Variants in HOOK3 observed in about 807,000 individuals in gnomAD.
HOOK3 encodes hook microtubule tethering protein 3, also known as protein Hook homolog 3.
HOOK3 carries 24 observed loss-of-function variants against 116.3 expected under a neutral mutation model. The ratio of observed to expected loss-of-function variants is 0.21; its 90% confidence interval spans 0.15 to 0.29. HOOK3 has a LOEUF of 0.29. Ranked by LOEUF, HOOK3 falls within the 10% of genes least tolerant of loss-of-function variation. The pLI, the probability that HOOK3 is intolerant of heterozygous loss-of-function variation, is 1.00. For missense variants in HOOK3, 632 were observed against 830.2 expected (o/e 0.76, Z 2.93); for synonymous variants, 275 against 283.0 (o/e 0.97, Z 0.28).
rs1160648792 is a variant in HOOK3, at chr8:43,026,910, C to T, written c.*8412C>T. The stretch of plus-strand genomic sequence containing the variant: ...TTTTTTTTCTTTTGAGATGGAGTCT[C>T]ACTCTGAGTCTCACTCTGTTGCCCA... On this transcript the variant is annotated 3_prime_UTR_variant, in exon 22 of 22. Transcript: ENST00000307602. 1 of 187,104 alleles carries T rather than the reference C, an allele frequency of 5.3e-6. No homozygotes were observed. Among genetic ancestry groups the T allele is most frequent in the Admixed American group, 6.2e-5 (1 of 16,142 alleles). 11.6% of individuals were successfully genotyped at this position (187,104 alleles called of 1,614,324 possible). A position where few individuals can be genotyped will look rare whatever the true frequency, so the allele number is the denominator to read the frequency against.
chr8:42,924,527 A>G (rs908693502), intron 2 of HOOK3, among the ~76,000 whole-genome samples: 3 of 152,332 alleles, frequency 2.0e-5, no homozygotes, highest in Non-Finnish European at 4.4e-5. Flanking sequence ...CTAGTACTAC[A>G]TCTGAGAAAA....
chr8:42,970,621 TTAGA>T (rs1382437558), intron 11 of HOOK3, among the ~76,000 whole-genome samples: 1 of 152,120 alleles, frequency 6.6e-6, no homozygotes, highest in East Asian at 1.9e-4. Flanking sequence ...TTAAATGCAG[TTAGA>T]TAGATTCCAT....
chr8:42,963,872 A>G (rs749064919), intron 8 of HOOK3, among the ~76,000 whole-genome samples: 1 of 152,228 alleles, frequency 6.6e-6, no homozygotes, highest in East Asian at 1.9e-4. Context: ...TTCCAAAATG[A>G]TGTAAATGTT....
chr8:42,980,229 A>C (rs1271294929), intron 13 of HOOK3, among the ~76,000 whole-genome samples: 9 of 151,892 alleles, frequency 5.9e-5, no homozygotes, highest in Non-Finnish European at 1.2e-4. Flanking sequence ...CTGGGATTAC[A>C]GGTGTGAGCC....
chr8:42,977,633 A>G (rs1361167082), intron 13 of HOOK3, among the ~76,000 whole-genome samples: 10 of 152,140 alleles, frequency 6.6e-5, no homozygotes. Context: ...TTGGGAGGCC[A>G]AGGCAGGCAG....
chr8:42,909,916 G>A (rs1586586358), intron 2 of HOOK3, among the ~76,000 whole-genome samples: 1 of 152,194 alleles, frequency 6.6e-6, no homozygotes, highest in East Asian at 1.9e-4. Context: ...GAGTAGAATG[G>A]TGTTTACCAG....
At chr8:43,012,325 G>A (rs1293062492) in intron 19 of HOOK3, among the ~76,000 whole-genome samples, 2 of 152,174 alleles carry the variant, frequency 1.3e-5, no homozygotes, top group African/African-American at 4.8e-5. Flanking sequence ...GCACATTACT[G>A]TACTGAATAG....
At chr8:42,928,848 C>A (rs2130362480) in intron 3 of HOOK3, among the ~76,000 whole-genome samples, 1 of 152,262 alleles carries the variant, frequency 6.6e-6, no homozygotes, top group African/African-American at 2.4e-5. Flanking sequence ...TCGAGACCAG[C>A]CTGGCCAACA....
intron 3 of HOOK3, 50 bp from the exon 4 acceptor site, chr8:42,930,072 T>C: frequency 6.6e-7 from 1 of 1,517,624 alleles, no homozygotes; most frequent in Non-Finnish European, 8.9e-7. Context: ...TTAAATTATG[T>C]TTTGATCTGT....
intron 2 of HOOK3, among the ~76,000 whole-genome samples, chr8:42,923,449 GT>G (rs1393131083): frequency 6.6e-6 from 1 of 152,160 alleles, no homozygotes; most frequent in Non-Finnish European, 1.5e-5. Context: ...TAAACAAAAT[GT>G]GATATATCTA....
At chr8:42,993,490 C>T (rs1005220976) in intron 15 of HOOK3, among the ~76,000 whole-genome samples, 2 of 152,010 alleles carry the variant, frequency 1.3e-5, no homozygotes, top group Non-Finnish European at 2.9e-5. Context: ...GTCTTTGTTT[C>T]GTTTTGGTAT....
At chr8:42,934,199 G>C (rs1807922388) in intron 4 of HOOK3, among the ~76,000 whole-genome samples, 1 of 151,278 alleles carries the variant, frequency 6.6e-6, no homozygotes, top group Non-Finnish European at 1.5e-5. Context: ...TTGTGTTTTT[G>C]CTCTACTTAC....
chr8:42,962,359 C>T (rs1808549378), intron 8 of HOOK3, among the ~76,000 whole-genome samples: 1 of 150,194 alleles, frequency 6.7e-6, no homozygotes, highest in Non-Finnish European at 1.5e-5. Context: ...AACTTGGCCT[C>T]CCAAAGTGCT....
intron 4 of HOOK3, among the ~76,000 whole-genome samples, chr8:42,942,319 T>C (rs778437108): frequency 2.6e-5 from 4 of 152,200 alleles, no homozygotes; most frequent in Admixed American, 6.5e-5. Context: ...TACTTTTTCA[T>C]TGTAGAATAA....
chr8:43,009,217 C>T (rs907338203), intron 18 of HOOK3, among the ~76,000 whole-genome samples: 7 of 151,812 alleles, frequency 4.6e-5, no homozygotes, highest in Admixed American at 2.0e-4. Context: ...CCAGCCTGGG[C>T]GACGTGGTAA....
chr8:42,899,319 G>C (rs544998390), intron 1 of HOOK3, among the ~76,000 whole-genome samples: 3 of 152,270 alleles, frequency 2.0e-5, no homozygotes, highest in Non-Finnish European at 4.4e-5. Context: ...TGTAGAATAG[G>C]CTTTTTGAAA....
At chr8:42,925,809 G>C (rs1807754515) in intron 3 of HOOK3, among the ~76,000 whole-genome samples, 180 bp downstream of exon 3, 1 of 152,182 alleles carries the variant, frequency 6.6e-6, no homozygotes, top group African/African-American at 2.4e-5. Context: ...CATAATATGA[G>C]TCAGTAACGC....
At chr8:42,983,202 C>T (rs1053139748) in intron 14 of HOOK3, among the ~76,000 whole-genome samples, 1 of 151,900 alleles carries the variant, frequency 6.6e-6, no homozygotes, top group African/African-American at 2.4e-5. Context: ...TGTGTGGTGG[C>T]GGGTGCCTGT....
intron 5 of HOOK3, among the ~76,000 whole-genome samples, chr8:42,945,642 T>C (rs941165578): frequency 8.5e-5 from 13 of 152,170 alleles, no homozygotes; most frequent in African/African-American, 2.9e-4. Context: ...TTTCATTCAG[T>C]TATTTTATTG....
Sources: gnomAD v4.1 joint callset for allele counts (sites outside exome capture counted in the v4.1 genomes callset) on GRCh38, gnomAD v4.1.1 for gene constraint, MANE v1.5 for transcripts, NCBI Gene and HGNC (gene_info 2026-07-23, HGNC 2026-07-21) for gene names.